Variants in GALNT2 observed in about 807,000 individuals in gnomAD.
GALNT2 encodes the protein UDP-GalNAc:polypeptide N-acetylgalactosaminyltransferase 2.
A neutral mutation model predicts 81.4 loss-of-function variants in GALNT2; 31 were observed. The ratio of observed to expected loss-of-function variants is 0.38; its 90% CI spans 0.29 to 0.51. The LOEUF is 0.51. GALNT2 is among the 20% of genes least tolerant of loss of function. The probability of loss-of-function intolerance (pLI) is 0.87; values close to 1 mark genes in which losing one functional copy is unlikely to be tolerated. For missense variants in GALNT2, 629 were observed against 765.7 expected, an observed-to-expected ratio of 0.82 and a Z score of 2.11; for synonymous variants, 303 against 287.4, an observed-to-expected ratio of 1.05 and a Z score of -0.55.
At chr1:230,264,272 CCCTATACA>C (rs1246508560) in intron 13 of GALNT2, 2 of 152,250 alleles carry the variant, frequency 1.3e-5, no homozygotes, top group African/African-American at 2.4e-5. Context: ...TGCCTGGTGT[CCCTATACA>C]ACAGATTCTT....
chr1:230,266,910 A>G (rs927936331), intron 14 of GALNT2, among the ~76,000 whole-genome samples: 3 of 152,072 alleles, frequency 2.0e-5, no homozygotes, highest in African/African-American at 4.8e-5. Flanking sequence ...GCTAAATGTG[A>G]TGCTATGTTT....
chr1:230,207,366 G>A (rs1341697000), intron 3 of GALNT2, among the ~76,000 whole-genome samples: 1 of 152,106 alleles, frequency 6.6e-6, no homozygotes, highest in East Asian at 1.9e-4. Context: ...TTATTACCCT[G>A]AAGGATAGAT....
chr1:230,252,387 G>C (rs1316932731), intron 10 of GALNT2, among the ~76,000 whole-genome samples: 1 of 152,112 alleles, frequency 6.6e-6, no homozygotes, highest in Admixed American at 6.5e-5. Context: ...TTAAAATGGA[G>C]GACCAAGAAC....
intron 10 of GALNT2, among the ~76,000 whole-genome samples, chr1:230,251,196 G>A (rs764904178): frequency 6.6e-6 from 1 of 152,148 alleles, no homozygotes; most frequent in Non-Finnish European, 1.5e-5. Context: ...GGTTTGGAGT[G>A]GGGGAGATCT....
At chr1:230,205,628 G>C (rs1316875263) in intron 3 of GALNT2, among the ~76,000 whole-genome samples, 1 of 152,168 alleles carries the variant, frequency 6.6e-6, no homozygotes, top group Non-Finnish European at 1.5e-5. Context: ...GGACCTCCAG[G>C]GAGCCATGCA....
At chr1:230,114,227 G>A (rs1308706021) in intron 1 of GALNT2, among the ~76,000 whole-genome samples, 1 of 152,104 alleles carries the variant, frequency 6.6e-6, no homozygotes, top group Non-Finnish European at 1.5e-5. Flanking sequence ...TCGTCTTCCT[G>A]GTGTTTCCGC....
chr1:230,202,047 C>T (rs547097308), intron 2 of GALNT2, among the ~76,000 whole-genome samples: 1 of 152,146 alleles, frequency 6.6e-6, no homozygotes, highest in Non-Finnish European at 1.5e-5. Flanking sequence ...TGAAGTGGAA[C>T]ATTGTAGGCC....
At chr1:230,200,427 G>C (rs1663854367) in intron 2 of GALNT2, among the ~76,000 whole-genome samples, 1 of 152,070 alleles carries the variant, frequency 6.6e-6, no homozygotes, top group African/African-American at 2.4e-5. Context: ...CCACAGCATG[G>C]GTCACGGGCC....
At chr1:230,114,238 G>A (rs956419013) in intron 1 of GALNT2, among the ~76,000 whole-genome samples, 6 of 152,080 alleles carry the variant, frequency 3.9e-5, no homozygotes, top group African/African-American at 1.2e-4. Context: ...GTGTTTCCGC[G>A]CCTCATTCTA....
chr1:230,278,541 G>T (rs1440015378), intron 15 of GALNT2, among the ~76,000 whole-genome samples: 1 of 152,098 alleles, frequency 6.6e-6, no homozygotes, highest in East Asian at 1.9e-4. Context: ...GTTGAGTTTG[G>T]TTGTTCGCTT....
At chr1:230,219,905 T>A (rs568340629) in intron 3 of GALNT2, among the ~76,000 whole-genome samples, 1 of 152,346 alleles carries the variant, frequency 6.6e-6, no homozygotes, top group East Asian at 1.9e-4. Context: ...AACCAGAGCC[T>A]CTGTGCCTGG....
intron 1 of GALNT2, among the ~76,000 whole-genome samples, chr1:230,176,868 A>G (rs1355538463): frequency 6.6e-6 from 1 of 152,204 alleles, no homozygotes; most frequent in African/African-American, 2.4e-5. Context: ...GGGGCACTTA[A>G]AGGCCAGGAA....
chr1:230,271,185 CCT>C lies in GALNT2; in HGVS notation c.1441-3259_1441-3258del. Among the ~76,000 whole-genome samples, 1 of 152,320 alleles carries C rather than the reference CCT, an allele frequency of 6.6e-6. No homozygotes were observed. Among genetic ancestry groups the C allele is most frequent in the East Asian group, 1.9e-4 (1 of 5,190 alleles). On this transcript the variant is annotated intron_variant, in intron 14 of 15. Transcript: ENST00000366672. The surrounding 1 kb of genome is among the most constrained non-coding windows in gnomAD (Gnocchi z 4.2). ...ACACATCCTGGTGGTGTCCCCAGCC[CCT>C]GTGAGTGCAGGGACGGAACAATGTG...
intron 2 of GALNT2, among the ~76,000 whole-genome samples, chr1:230,179,778 A>G (rs1369101660): frequency 6.6e-6 from 1 of 152,128 alleles, no homozygotes; most frequent in Non-Finnish European, 1.5e-5. Context: ...GTCCTAGAAG[A>G]TTTTAATTGA....
chr1:230,135,489 A>G (rs914421025), intron 1 of GALNT2, among the ~76,000 whole-genome samples: 1 of 152,220 alleles, frequency 6.6e-6, no homozygotes, highest in Non-Finnish European at 1.5e-5. Context: ...ATTGTCAGGC[A>G]TGAGCCACAG....
chr1:230,279,226 G>T lies in GALNT2; in HGVS notation c.1561-77G>T, dbSNP rs1666370748. On this transcript the variant is annotated intron_variant, in intron 15 of 15. Coordinates refer to ENST00000366672, the MANE Select transcript of GALNT2 (RefSeq NM_004481.5). This position sits in a 1 kb window ranked among gnomAD's most constrained non-coding sequence, Gnocchi z 4.6. ...CTGTGAGTTTTTAATGCAGCCACAA[G>T]GTCCTGAATTCACACGAATCTGTTT... 3 of 1,463,274 alleles carry T rather than the reference G, an allele frequency of 2.1e-6. No homozygotes were observed. The African/African-American group carries it at 4.2e-5, about 21-fold the overall frequency. 90.6% of individuals were successfully genotyped at this position (1,463,274 alleles called of 1,614,324 possible).
chr1:230,062,602 C>T (rs1212136346), upstream of GALNT2, among the ~76,000 whole-genome samples: 1 of 152,188 alleles, frequency 6.6e-6, no homozygotes, highest in Non-Finnish European at 1.5e-5. Context: ...TAAGTGAAAT[C>T]ATTTGGTATT....
chr1:230,114,953 A>G (rs1472779780), intron 1 of GALNT2, among the ~76,000 whole-genome samples: 2 of 150,818 alleles, frequency 1.3e-5, no homozygotes, highest in Non-Finnish European at 2.9e-5. Flanking sequence ...CCACAAACCT[A>G]CACTGACACA....
intron 6 of GALNT2, among the ~76,000 whole-genome samples, chr1:230,240,371 A>C (rs1248788148): frequency 6.6e-6 from 1 of 152,184 alleles, no homozygotes; most frequent in Non-Finnish European, 1.5e-5. Context: ...AGGTGGGCGG[A>C]TCACGAGGTC....
Sources: gnomAD v4.1 joint callset for allele counts (sites outside exome capture counted in the v4.1 genomes callset) on GRCh38, gnomAD v4.1.1 for gene constraint, Gnocchi (gnomAD v3.1) non-coding constraint, MANE v1.5 for transcripts, NCBI Gene and HGNC (gene_info 2026-07-23, HGNC 2026-07-21) for gene names.